SYT9: variants seen among roughly 807,000 people sequenced by gnomAD.
SYT9 encodes synaptotagmin 9.
A neutral mutation model predicts 48.4 loss-of-function variants in SYT9; 22 were observed. The ratio of observed to expected loss-of-function variants is 0.45; its 90% CI spans 0.32 to 0.65. The LOEUF is 0.65. SYT9 is among the 30% of genes least tolerant of loss of function. The pLI, the probability that SYT9 is intolerant of heterozygous loss-of-function variation, is 0.03. For missense variants in SYT9, 577 were observed against 622.0 expected (o/e 0.93, Z 0.77); for synonymous variants, 265 against 245.0 (o/e 1.08, Z -0.76).
At chr11:7,358,853 AT>A (rs547144942) in intron 3 of SYT9, among the ~76,000 whole-genome samples, 20 of 151,286 alleles carry the variant, frequency 1.3e-4, no homozygotes, top group East Asian at 3.9e-4. Flanking sequence ...ATTTCTTCAG[AT>A]TTTTTTTTAT....
At chr11:7,285,288 T>A (rs906936014) in intron 1 of SYT9, among the ~76,000 whole-genome samples, 2 of 152,122 alleles carry the variant, frequency 1.3e-5, no homozygotes, top group African/African-American at 2.4e-5. Context: ...AAACTTACAA[T>A]CATGGCAGAA....
rs778344714 is a variant in SYT9, at chr11:7,313,773, G to T, written c.876G>T (p.Pro292=). The T allele has an allele frequency of 1.1e-4, 171 of 1,614,004 alleles. 1 individual carries two copies. The South Asian group carries it at 1.8e-3, about 17-fold the overall frequency. The stretch of plus-strand genomic sequence containing the variant: ...TGTTTGATGAAGTGTTTTTATTTCC[G>T]GTTCCCTACAATGACCTTGAAGCAC... ...NPVFDEVFLF[P]VPYNDLEARK... Residue 292 remains proline, a synonymous_variant, in exon 3 of 7, where the codon CCG becomes CCT. Transcript: ENST00000318881.
chr11:7,386,592 T>A (rs985696275), intron 3 of SYT9, among the ~76,000 whole-genome samples: 16 of 152,214 alleles, frequency 1.1e-4, no homozygotes, highest in Admixed American at 8.5e-4. Context: ...TCAAAACCAC[T>A]ATGAGATACC....
intron 3 of SYT9, among the ~76,000 whole-genome samples, chr11:7,317,199 T>G (rs1288988495): frequency 6.6e-6 from 1 of 152,240 alleles, no homozygotes; most frequent in East Asian, 1.9e-4. Flanking sequence ...AAGATATTTC[T>G]CCTATGCTTT....
Position 7,282,909 on chromosome 11 carries a change from A to AACAC in SYT9, c.146-20117_146-20114dup, listed in dbSNP as rs567480393. Among the ~76,000 whole-genome samples, 293 of 147,950 alleles carry AACAC rather than the reference A, an allele frequency of 2.0e-3. 7 individuals are homozygous for AACAC. The highest frequency in any genetic ancestry group is 0.016 in the Admixed American group (245 of 14,918). On this transcript the variant is annotated intron_variant, in intron 1 of 6. Transcript: ENST00000318881. ...CCAAGTAATATATGCACCGTGTTAA[A>AACAC]ACACACACACACACACGCACACACA...
At chr11:7,271,777 C>A (rs767062861) in intron 1 of SYT9, among the ~76,000 whole-genome samples, 2 of 152,068 alleles carry the variant, frequency 1.3e-5, no homozygotes, top group African/African-American at 2.4e-5. Flanking sequence ...GGGGTTTCGC[C>A]GTGTTAGCCA....
intron 6 of SYT9, among the ~76,000 whole-genome samples, chr11:7,447,464 T>A (rs970691909): frequency 5.9e-5 from 9 of 152,224 alleles, no homozygotes; most frequent in African/African-American, 1.9e-4. Flanking sequence ...TTGCTTTTGC[T>A]CATGCTGTTC....
intron 3 of SYT9, among the ~76,000 whole-genome samples, chr11:7,357,987 G>GA (rs1236904660): frequency 1.3e-5 from 2 of 151,994 alleles, no homozygotes; most frequent in Non-Finnish European, 2.9e-5. Flanking sequence ...AATTATTCTA[G>GA]AAACTGTTAA....
In SYT9 at chr11:7,391,809, G is replaced by A. The variant is rs34593331; in HGVS notation, c.1045-24233G>A. ...CATACGCCTGTAGTCCCAGCTACTC[G>A]GGAACCTGAGGTGGGAGGATCACTT... On this transcript the variant is annotated intron_variant, in intron 3 of 6. Coordinates refer to ENST00000318881, the MANE Select transcript of SYT9 (RefSeq NM_175733.4). Among the ~76,000 whole-genome samples, 862 of 148,324 alleles carry A rather than the reference G, an allele frequency of 5.8e-3. 4 individuals carry two copies. Among genetic ancestry groups the A allele is most frequent in the South Asian group, 0.019 (87 of 4,636 alleles).
At chr11:7,394,258 A>G (rs1258629833) in intron 3 of SYT9, among the ~76,000 whole-genome samples, 1 of 152,118 alleles carries the variant, frequency 6.6e-6, no homozygotes, top group African/African-American at 2.4e-5. Context: ...GATGGTTTCC[A>G]GCTTCATCCA....
intron 3 of SYT9, among the ~76,000 whole-genome samples, chr11:7,348,013 G>C (rs1226860538): frequency 6.6e-6 from 1 of 152,156 alleles, no homozygotes. Context: ...AGGGGAAGGG[G>C]GAGACATCCT....
At chr11:7,446,132 T>G (rs1847924493) in intron 6 of SYT9, among the ~76,000 whole-genome samples, 1 of 152,212 alleles carries the variant, frequency 6.6e-6, no homozygotes, top group Non-Finnish European at 1.5e-5. Context: ...CACTTGACCT[T>G]ATAGTTGTGC....
chr11:7,300,355 G>A (rs1848895774), intron 1 of SYT9, among the ~76,000 whole-genome samples: 1 of 152,174 alleles, frequency 6.6e-6, no homozygotes, highest in Non-Finnish European at 1.5e-5. Context: ...CAGAATGTGG[G>A]AGCACAAGGG....
At chr11:7,296,763 A>C (rs958365404) in intron 1 of SYT9, among the ~76,000 whole-genome samples, 1 of 152,220 alleles carries the variant, frequency 6.6e-6, no homozygotes, top group African/African-American at 2.4e-5. Context: ...TGATGAGGTA[A>C]TTGTGGCATG....
chr11:7,344,965 T>G (rs1849775463), intron 3 of SYT9, among the ~76,000 whole-genome samples: 1 of 130,530 alleles, frequency 7.7e-6, no homozygotes, highest in South Asian at 3.3e-4. Context: ...CACACACACT[T>G]GAATTTTTAT....
At chr11:7,299,962 A>T (rs1848888462) in intron 1 of SYT9, among the ~76,000 whole-genome samples, 1 of 152,196 alleles carries the variant, frequency 6.6e-6, no homozygotes, top group African/African-American at 2.4e-5. Context: ...CAGAGGTCAC[A>T]TGGGGTTCTT....
intron 3 of SYT9, among the ~76,000 whole-genome samples, chr11:7,329,708 C>A (rs1267851666): frequency 6.6e-6 from 1 of 152,174 alleles, no homozygotes; most frequent in Non-Finnish European, 1.5e-5. Flanking sequence ...CTTTTTCAGC[C>A]TGTATGCTGG....
At chr11:7,389,286 A>C (rs1374800959) in intron 3 of SYT9, among the ~76,000 whole-genome samples, 1 of 152,172 alleles carries the variant, frequency 6.6e-6, no homozygotes, top group Non-Finnish European at 1.5e-5. Context: ...GTACTAAAAA[A>C]ATATTGAGGA....
chr11:7,442,925 A>G (rs1847854422), intron 6 of SYT9, among the ~76,000 whole-genome samples: 1 of 152,194 alleles, frequency 6.6e-6, no homozygotes, highest in Non-Finnish European at 1.5e-5. Flanking sequence ...ATAAAAACAC[A>G]TGGCGCCTGC....
Sources: gnomAD v4.1 joint callset for allele counts (sites outside exome capture counted in the v4.1 genomes callset) on GRCh38, gnomAD v4.1.1 for gene constraint, MANE v1.5 for transcripts, NCBI Gene and HGNC (gene_info 2026-07-23, HGNC 2026-07-21) for gene names.